ABI1: variants seen among roughly 807,000 people sequenced by gnomAD.
The protein encoded by ABI1 is abl interactor 1.
A neutral mutation model predicts 54.6 loss-of-function variants in ABI1; 14 were observed. That is an observed-to-expected ratio of 0.26 (90% CI 0.17 to 0.40). The LOEUF (loss-of-function observed/expected upper bound fraction) is 0.40. ABI1 is among the 10% of genes least tolerant of loss of function. ABI1 has a pLI of 1.00. For missense variants in ABI1, 443 were observed against 598.3 expected (o/e 0.74, Z 2.71); for synonymous variants, 194 against 209.3 (o/e 0.93, Z 0.63).
At chr10:26,777,780 AAG>A (rs1290053007) in intron 2 of ABI1, among the ~76,000 whole-genome samples, 3 of 152,220 alleles carry the variant, frequency 2.0e-5, no homozygotes, top group East Asian at 1.9e-4. Flanking sequence ...TCTCAAAAAA[AAG>A]AGAGAGATTT....
chr10:26,748,267 T>C lies in ABI1; in HGVS notation c.*303A>G, dbSNP rs1837157638. The C allele has an allele frequency of 1.8e-5, 5 of 271,918 alleles. No individual in the cohort carries two copies. The South Asian group carries it at 3.9e-4, about 21-fold the overall frequency. The allele number at this position is 271,918 out of a possible 1,614,324, so 16.8% of individuals were successfully genotyped here. ...ACATGTAATGGTACAATCTGAATCA[T>C]GATTCGTTAAATATTATACCCCACT... On this transcript the variant is annotated 3_prime_UTR_variant, in exon 11 of 11. Transcript: ENST00000376140.
intron 10 of ABI1, among the ~76,000 whole-genome samples, chr10:26,750,461 T>A (rs1000196465): frequency 6.6e-6 from 1 of 152,090 alleles, no homozygotes; most frequent in Non-Finnish European, 1.5e-5. Context: ...ACCACTGCAC[T>A]CCAGCCTGGG....
At chr10:26,748,860 T>C in intron 10 of ABI1, 115 bp from the exon 11 acceptor site, 1 of 789,816 alleles carries the variant, frequency 1.3e-6, no homozygotes, top group South Asian at 1.9e-5. Context: ...TATGAAGATT[T>C]CTTAATTTTT....
rs371258119 is a variant in ABI1, at chr10:26,793,872, A to T, written c.286-16631T>A. Among the ~76,000 whole-genome samples, 5 of 152,344 alleles carry T rather than the reference A, an allele frequency of 3.3e-5. 1 individual carries two copies. Among genetic ancestry groups the T allele is most frequent in the African/African-American group, 1.2e-4 (5 of 41,568 alleles). On this transcript the variant is annotated intron_variant, in intron 2 of 10. Coordinates refer to ENST00000376140, the MANE Select transcript of ABI1 (RefSeq NM_001012750.3). ...CATGAGTGTCTCTCCCTTCTTAAAAAGATGATATATTTAAAATTCTCCAGC... is the reference window on the plus strand; with the variant it reads ...CATGAGTGTCTCTCCCTTCTTAAAATGATGATATATTTAAAATTCTCCAGC...
intron 2 of ABI1, among the ~76,000 whole-genome samples, chr10:26,783,094 A>G (rs1842330083): frequency 6.6e-6 from 1 of 152,258 alleles, no homozygotes; most frequent in Non-Finnish European, 1.5e-5. Flanking sequence ...AAAATGTGAT[A>G]TATACATACA....
In ABI1 at chr10:26,746,603, G is replaced by T. The variant is rs1159206503; in HGVS notation, c.*1967C>A. The T allele has an allele frequency of 8.0e-6, 8 of 998,482 alleles. No individual in the cohort carries two copies. The African/African-American group carries it at 1.3e-4, about 16-fold the overall frequency. 61.9% of individuals were successfully genotyped at this position (998,482 alleles called of 1,614,324 possible). A position where few individuals can be genotyped will look rare whatever the true frequency, so the allele number is the denominator to read the frequency against. ...TAAAAGATATCAAACTTATTGATGG[G>T]CAATTTATTTTTTTTTATTGCAAAA... is the stretch of plus-strand genomic sequence containing the variant. On this transcript the variant is annotated 3_prime_UTR_variant, in exon 11 of 11. Transcript: ENST00000376140.
intron 1 of ABI1, among the ~76,000 whole-genome samples, chr10:26,857,017 T>C (rs1039006435): frequency 6.6e-6 from 1 of 152,112 alleles, no homozygotes; most frequent in Non-Finnish European, 1.5e-5. Context: ...TCTACATAAA[T>C]GACTATATAA....
intron 2 of ABI1, among the ~76,000 whole-genome samples, chr10:26,784,647 C>A (rs1298160707): frequency 1.3e-5 from 2 of 152,110 alleles, no homozygotes; most frequent in African/African-American, 4.8e-5. Context: ...GTTTGGAAGT[C>A]GGGCATTGCC....
chr10:26,799,526 T>C (rs889640576), intron 2 of ABI1, among the ~76,000 whole-genome samples: 1 of 152,126 alleles, frequency 6.6e-6, no homozygotes, highest in Admixed American at 6.5e-5. Flanking sequence ...TGCAGGTGGC[T>C]AGAAAGGAAA....
chr10:26,818,627 G>A (rs1404944857), intron 2 of ABI1, among the ~76,000 whole-genome samples: 7 of 69,034 alleles, frequency 1.0e-4, no homozygotes, highest in African/African-American at 3.8e-4. Flanking sequence ...GCGAGACCCC[G>A]TCACAAAAAA....
chr10:26,831,231 A>G (rs2048650429), intron 1 of ABI1, among the ~76,000 whole-genome samples: 1 of 150,462 alleles, frequency 6.6e-6, no homozygotes, highest in Non-Finnish European at 1.5e-5. Context: ...AATTTCTCCA[A>G]CTTCCAAAAA....
At chr10:26,812,846 T>C (rs2047324662) in intron 2 of ABI1, among the ~76,000 whole-genome samples, 1 of 152,100 alleles carries the variant, frequency 6.6e-6, no homozygotes, top group South Asian at 2.1e-4. Context: ...CCAAATACAG[T>C]CACACTCTGA....
rs769588949 is a variant in ABI1, at chr10:26,768,857, T to C, written c.714A>G (p.Thr238=). Residue 238 remains threonine, a synonymous_variant, in exon 6 of 11, where the codon ACA becomes ACG. Transcript: ENST00000376140. The stretch of plus-strand genomic sequence containing the variant: ...TACTCAACCTAAAGGCTTACCTGTG[T>C]GTCCTTGGTCTCTGATTTAAAGATG... The part of the protein sequence containing the change: ...RTASLNQRPR[T]HSGSSGGSGS... 2.5e-6 allele frequency: 4 copies of C among 1,612,584 alleles called. No individual in the cohort carries two copies. Among genetic ancestry groups the C allele is most frequent in the Non-Finnish European group, 2.5e-6 (3 of 1,179,228 alleles).
rs1009559538 is a variant in ABI1 at position 26,859,678 on chromosome 10, T to C, written c.117+1069A>G. 7.2e-5 allele frequency among the ~76,000 whole-genome samples: 11 copies of C among 152,238 alleles called. 1 individual carries two copies. The highest frequency in any genetic ancestry group is 5.9e-5 in the Non-Finnish European group (4 of 68,040). On this transcript the variant is annotated intron_variant, in intron 1 of 10. Transcript: ENST00000376140. ...CATCTGTCACAAAGTCCCAAGAGTT[T>C]TCTAATTTACAATAACAGATATTTT...
At chr10:26,808,299 T>C (rs1012519139) in intron 2 of ABI1, among the ~76,000 whole-genome samples, 1 of 152,194 alleles carries the variant, frequency 6.6e-6, no homozygotes, top group Non-Finnish European at 1.5e-5. Context: ...GTTTGGTTGG[T>C]TTACTCCTGG....
At chr10:26,783,466 A>T (rs922900782) in intron 2 of ABI1, among the ~76,000 whole-genome samples, 3 of 152,168 alleles carry the variant, frequency 2.0e-5, no homozygotes, top group Non-Finnish European at 4.4e-5. Context: ...CCACAATTTT[A>T]AAAAAAATTT....
At chr10:26,822,189 T>C (rs2048025891) in intron 2 of ABI1, among the ~76,000 whole-genome samples, 1 of 152,160 alleles carries the variant, frequency 6.6e-6, no homozygotes, top group Non-Finnish European at 1.5e-5. Flanking sequence ...CACACACATA[T>C]ATATGATCAT....
At chr10:26,791,411 T>C (rs1843443195) in intron 2 of ABI1, among the ~76,000 whole-genome samples, 1 of 152,146 alleles carries the variant, frequency 6.6e-6, no homozygotes, top group African/African-American at 2.4e-5. Context: ...CAACCACACA[T>C]ACACCCGATT....
intron 2 of ABI1, among the ~76,000 whole-genome samples, chr10:26,803,051 G>C (rs900350786): frequency 2.6e-5 from 4 of 152,168 alleles, no homozygotes; most frequent in Non-Finnish European, 5.9e-5. Context: ...CTGGGAGCAA[G>C]GAAAAGGTTT....
Sources: gnomAD v4.1 joint callset for allele counts (sites outside exome capture counted in the v4.1 genomes callset) on GRCh38, gnomAD v4.1.1 for gene constraint, MANE v1.5 for transcripts, NCBI Gene and HGNC (gene_info 2026-07-23, HGNC 2026-07-21) for gene names.